Variants in ZNF385B observed in about 807,000 individuals in gnomAD.
ZNF385B encodes zinc finger protein 385B, also known as zinc finger protein 533.
Under a neutral mutation model 39.2 loss-of-function variants are expected in ZNF385B, and 23 were observed. The ratio of observed to expected loss-of-function variants is 0.59; its 90% CI spans 0.42 to 0.83. The LOEUF (loss-of-function observed/expected upper bound fraction) is 0.83, where lower values mean the gene tolerates loss of function less well. ZNF385B is among the 40% of genes least tolerant of loss of function. The pLI is 0.00. For synonymous variants in ZNF385B, 205 were observed against 222.6 expected, an observed-to-expected ratio of 0.92 and a Z score of 0.70; for missense variants, 552 against 598.9, an observed-to-expected ratio of 0.92 and a Z score of 0.82.
chr2:179,640,839 T>G (rs1692202820), intron 3 of ZNF385B, among the ~76,000 whole-genome samples: 1 of 152,192 alleles, frequency 6.6e-6, no homozygotes, highest in Admixed American at 6.5e-5. Context: ...TGAACAATTT[T>G]CAGTTTCTTC....
chr2:179,830,181 A>G (rs948340025), intron 1 of ZNF385B, among the ~76,000 whole-genome samples: 1 of 152,244 alleles, frequency 6.6e-6, no homozygotes, highest in Non-Finnish European at 1.5e-5. Flanking sequence ...CTATTAGAAT[A>G]GCTATGAATA....
At chr2:179,850,757 A>G (rs1684068632) in intron 1 of ZNF385B, among the ~76,000 whole-genome samples, 1 of 152,146 alleles carries the variant, frequency 6.6e-6, no homozygotes, top group Non-Finnish European at 1.5e-5. Context: ...CCTAGTGCAC[A>G]CTTTCTCGTG....
chr2:179,660,683 C>G (rs569408090), intron 3 of ZNF385B, among the ~76,000 whole-genome samples: 1 of 152,026 alleles, frequency 6.6e-6, no homozygotes, highest in Non-Finnish European at 1.5e-5. Flanking sequence ...TTGTTTGACT[C>G]CAATACAAAG....
At chr2:179,541,682 T>G (rs1048714643) in intron 4 of ZNF385B, among the ~76,000 whole-genome samples, 1 of 152,100 alleles carries the variant, frequency 6.6e-6, no homozygotes, top group Non-Finnish European at 1.5e-5. Flanking sequence ...CAACAAGAAA[T>G]TATAGCTGTT....
chr2:179,774,976 A>T (rs1704227469), intron 1 of ZNF385B, among the ~76,000 whole-genome samples: 1 of 152,192 alleles, frequency 6.6e-6, no homozygotes, highest in Admixed American at 6.5e-5. Context: ...CTGAAGATTA[A>T]AACACATAGA....
At chr2:179,625,300 A>G (rs1299304875) in intron 3 of ZNF385B, among the ~76,000 whole-genome samples, 1 of 152,144 alleles carries the variant, frequency 6.6e-6, no homozygotes, top group African/African-American at 2.4e-5. Context: ...TTCAGATGCA[A>G]GAATAAGACT....
chr2:179,682,870 T>G (rs1010300202), intron 3 of ZNF385B, among the ~76,000 whole-genome samples: 3 of 152,182 alleles, frequency 2.0e-5, no homozygotes, highest in African/African-American at 7.2e-5. Flanking sequence ...TACTGTAGGT[T>G]AAGGGTTCCT....
chr2:179,577,003 T>G (rs1372772184), intron 3 of ZNF385B, among the ~76,000 whole-genome samples: 1 of 152,170 alleles, frequency 6.6e-6, no homozygotes, highest in Non-Finnish European at 1.5e-5. Context: ...ACAGACGGCT[T>G]TAAGCATTCC....
At chr2:179,717,848 A>G (rs1388098824) in intron 3 of ZNF385B, among the ~76,000 whole-genome samples, 1 of 152,242 alleles carries the variant, frequency 6.6e-6, no homozygotes, top group Non-Finnish European at 1.5e-5. Flanking sequence ...AGCATAGGAC[A>G]TCATATATAA....
At chr2:179,455,263 T>C (rs1381703698) in intron 6 of ZNF385B, among the ~76,000 whole-genome samples, 1 of 152,116 alleles carries the variant, frequency 6.6e-6, no homozygotes, top group East Asian at 1.9e-4. Context: ...AGGAGCTAAA[T>C]AGTTCATATG....
At chr2:179,674,852 A>T (rs1427360311) in intron 3 of ZNF385B, among the ~76,000 whole-genome samples, 1 of 152,188 alleles carries the variant, frequency 6.6e-6, no homozygotes. Flanking sequence ...AGAAAGCCTT[A>T]TAACCCCCAA....
intron 1 of ZNF385B, among the ~76,000 whole-genome samples, chr2:179,829,311 T>A (rs1008745149): frequency 6.6e-6 from 1 of 152,164 alleles, no homozygotes; most frequent in African/African-American, 2.4e-5. Context: ...CCAAGAATAA[T>A]GTAAATTCAC....
At chr2:179,734,366 G>A (rs1380470038) in intron 3 of ZNF385B, among the ~76,000 whole-genome samples, 1 of 152,144 alleles carries the variant, frequency 6.6e-6, no homozygotes, top group Non-Finnish European at 1.5e-5. Context: ...ACATTGCCCT[G>A]CAAATATTAA....
chr2:179,562,557 C>T (rs1574815150), intron 3 of ZNF385B: 16 of 985,374 alleles, frequency 1.6e-5, no homozygotes, highest in East Asian at 2.3e-4. Context: ...ACAAATCATA[C>T]GTCCTGTAAT....
At chr2:179,708,985 C>T (rs927689071) in intron 3 of ZNF385B, among the ~76,000 whole-genome samples, 4 of 152,166 alleles carry the variant, frequency 2.6e-5, no homozygotes, top group Middle Eastern at 3.2e-3. Flanking sequence ...AATACTGCCT[C>T]CCATCTGATG....
At chr2:179,760,220 G>A (rs1015304002) in intron 3 of ZNF385B, among the ~76,000 whole-genome samples, 2 of 92,626 alleles carry the variant, frequency 2.2e-5, no homozygotes, top group African/African-American at 7.0e-5. Flanking sequence ...GGATTCCTGT[G>A]TGCGTGTGTG....
At chr2:179,492,227 T>A (rs2055310537) in intron 5 of ZNF385B, among the ~76,000 whole-genome samples, 1 of 152,196 alleles carries the variant, frequency 6.6e-6, no homozygotes, top group South Asian at 2.1e-4. Context: ...ATATCCCAAG[T>A]TGCTAATGTG....
At chr2:179,638,022 C>G (rs1691912887) in intron 3 of ZNF385B, among the ~76,000 whole-genome samples, 1 of 152,152 alleles carries the variant, frequency 6.6e-6, no homozygotes, top group Admixed American at 6.6e-5. Flanking sequence ...CAGCATTTAT[C>G]TGCATATTCA....
chr2:179,553,927 C>T (rs1320684497), intron 3 of ZNF385B, among the ~76,000 whole-genome samples: 1 of 149,042 alleles, frequency 6.7e-6, no homozygotes, highest in African/African-American at 2.5e-5. Context: ...AAAGCACCAA[C>T]TCAGCAGACA....
Sources: allele counts gnomAD v4.1 joint callset (sites outside exome capture counted in the v4.1 genomes callset), GRCh38; gene constraint gnomAD v4.1.1; transcripts MANE v1.5; gene names NCBI Gene and HGNC (gene_info 2026-07-23, HGNC 2026-07-21).